The following UNC79 variants were observed in gnomAD, a reference collection of about 807,000 sequenced individuals.
The protein encoded by UNC79 is protein unc-79 homolog.
In UNC79, 37 loss-of-function variants were observed where a neutral mutation model predicts 283.1. That is an observed-to-expected ratio of 0.13 (90% confidence interval 0.10 to 0.17). UNC79 has a LOEUF of 0.17. Among genes scored for constraint, UNC79 ranks in the 10% least tolerant of loss-of-function variants. The probability of loss-of-function intolerance (pLI) is 1.00; values close to 1 mark genes in which losing one functional copy is unlikely to be tolerated. For synonymous variants in UNC79, 1,107 were observed against 1,200.2 expected (o/e 0.92, Z 1.61); for missense variants, 2,272 against 3,211.1 (o/e 0.71, Z 7.07).
chr14:93,556,031 A>G (rs1474763788), intron 14 of UNC79, among the ~76,000 whole-genome samples: 1 of 152,198 alleles, frequency 6.6e-6, no homozygotes, highest in East Asian at 1.9e-4. Flanking sequence ...GTAGGTGGGC[A>G]CAGCTGGAAG....
rs2141026461 is a variant in UNC79 at position 93,528,434 on chromosome 14, C to T, written c.964-124C>T. The T allele has an allele frequency of 1.6e-5, 13 of 822,136 alleles. No homozygotes were observed. In the South Asian group the frequency reaches 2.6e-4, roughly 16 times the overall value. 50.9% of individuals were successfully genotyped at this position (822,136 alleles called of 1,614,324 possible). A position where few individuals can be genotyped will look rare whatever the true frequency, so the allele number is the denominator to read the frequency against. The stretch of plus-strand genomic sequence containing the variant: ...ACATTTATCGGTAAAAAGGGTTTTA[C>T]TAAAAATGTTTATTCCACCTCGCTT... On this transcript the variant is annotated intron_variant, in intron 8 of 48. Coordinates refer to ENST00000555664, the Ensembl canonical transcript of UNC79.
At chr14:93,667,522 A>G (rs1400979084) in intron 40 of UNC79, among the ~76,000 whole-genome samples, 1 of 152,228 alleles carries the variant, frequency 6.6e-6, no homozygotes, top group African/African-American at 2.4e-5. Flanking sequence ...GTAACTGACT[A>G]GACTTAGGTG....
At chr14:93,542,822 A>G (rs1282112172) in intron 14 of UNC79, 126 bp downstream of exon 14, 2 of 841,584 alleles carry the variant, frequency 2.4e-6, no homozygotes, top group Non-Finnish European at 3.8e-6. Context: ...TAATTAATAT[A>G]GCTAAATGAA....
At chr14:93,683,623 C>A (rs1274096310) in intron 42 of UNC79, among the ~76,000 whole-genome samples, 1 of 151,946 alleles carries the variant, frequency 6.6e-6, no homozygotes, top group African/African-American at 2.4e-5. Flanking sequence ...AAAATAATGT[C>A]CCTAATAATA....
At chr14:93,613,420 C>CTT (rs570173176) in intron 27 of UNC79, among the ~76,000 whole-genome samples, 3 of 142,934 alleles carry the variant, frequency 2.1e-5, no homozygotes, top group African/African-American at 5.1e-5. Flanking sequence ...TATTTGGTTT[C>CTT]TTTTTTTTTT....
At chr14:93,558,663 G>A in intron 14 of UNC79, among the ~76,000 whole-genome samples, 1 of 132,320 alleles carries the variant, frequency 7.6e-6, no homozygotes, top group African/African-American at 2.9e-5. Context: ...GGTTTGCACA[G>A]AGAGCGAGAG....
intron 48 of UNC79, among the ~76,000 whole-genome samples, chr14:93,705,347 C>CAAAAAAA (rs71129656): frequency 4.6e-5 from 4 of 87,528 alleles, no homozygotes; most frequent in Non-Finnish European, 6.5e-5. Flanking sequence ...CCCAGTCTCT[C>CAAAAAAA]AAAAAAAAAA....
At chr14:93,561,984 A>G (rs1298476671) in intron 14 of UNC79, among the ~76,000 whole-genome samples, 1 of 152,162 alleles carries the variant, frequency 6.6e-6, no homozygotes, top group East Asian at 1.9e-4. Flanking sequence ...TAGGGTAAGG[A>G]CGAATAGACC....
At chr14:93,371,190 C>T (rs2054437204) in intron 1 of UNC79, among the ~76,000 whole-genome samples, 1 of 151,998 alleles carries the variant, frequency 6.6e-6, no homozygotes, top group Non-Finnish European at 1.5e-5. Context: ...GAGATTGAGA[C>T]CATCCTGGCT....
chr14:93,554,959 G>A (rs1043498028), intron 14 of UNC79, among the ~76,000 whole-genome samples: 2 of 152,154 alleles, frequency 1.3e-5, no homozygotes, highest in Non-Finnish European at 2.9e-5. Flanking sequence ...TTCCAGTATA[G>A]CTAGGGAGTG....
chr14:93,587,331 A>G (rs1218616931), intron 22 of UNC79, among the ~76,000 whole-genome samples: 1 of 152,180 alleles, frequency 6.6e-6, no homozygotes, highest in Non-Finnish European at 1.5e-5. Context: ...TTTTTTAGAG[A>G]CTGGTGAGAC....
intron 40 of UNC79, 96 bp from the exon 44 acceptor site, chr14:93,673,255 T>A: frequency 1.9e-6 from 2 of 1,042,216 alleles, no homozygotes; most frequent in Non-Finnish European, 2.8e-6. Flanking sequence ...TGTTTTTTAT[T>A]TCTGACCCGT....
At chr14:93,571,446 G>C (rs370536810) in intron 14 of UNC79, among the ~76,000 whole-genome samples, 5 of 152,130 alleles carry the variant, frequency 3.3e-5, no homozygotes, top group African/African-American at 1.2e-4. Context: ...GTGTACTACC[G>C]TATTTCCTGT....
intron 3 of UNC79, 81 bp from the exon 4 acceptor site, chr14:93,477,477 A>T: frequency 1.6e-6 from 2 of 1,231,432 alleles, no homozygotes; most frequent in Non-Finnish European, 2.2e-6. Flanking sequence ...AAACCAGTTC[A>T]TTAAAGCTTA....
chr14:93,679,807 A>G (rs2073687858), intron 41 of UNC79, among the ~76,000 whole-genome samples: 1 of 152,216 alleles, frequency 6.6e-6, no homozygotes, highest in African/African-American at 2.4e-5. Flanking sequence ...TGCATATTTC[A>G]GTGCCCGATT....
At chr14:93,502,424 C>T (rs1462487289) in intron 7 of UNC79, among the ~76,000 whole-genome samples, 8 of 151,676 alleles carry the variant, frequency 5.3e-5, no homozygotes, top group Non-Finnish European at 8.8e-5. Flanking sequence ...AAAAAAAATG[C>T]AAAAAATTGA....
At chr14:93,660,777 A>G (rs2071519929) in intron 39 of UNC79, among the ~76,000 whole-genome samples, 1 of 151,312 alleles carries the variant, frequency 6.6e-6, no homozygotes, top group African/African-American at 2.4e-5. Context: ...TTTAGTAGAG[A>G]TGAGGTTTCA....
intron 14 of UNC79, among the ~76,000 whole-genome samples, chr14:93,559,160 G>T (rs193099278): frequency 2.0e-5 from 3 of 152,310 alleles, no homozygotes; most frequent in Admixed American, 1.3e-4. Context: ...GGAGTATAAA[G>T]ATTTATAAAC....
intron 1 of UNC79, among the ~76,000 whole-genome samples, chr14:93,357,590 C>G (rs557829544): frequency 6.7e-6 from 1 of 149,672 alleles, no homozygotes; most frequent in South Asian, 2.1e-4. Flanking sequence ...CTTTGGGACT[C>G]AGACTGGCTT....
Sources: allele counts gnomAD v4.1 joint callset (sites outside exome capture counted in the v4.1 genomes callset), GRCh38; gene constraint gnomAD v4.1.1; transcripts MANE v1.5; gene names NCBI Gene and HGNC (gene_info 2026-07-23, HGNC 2026-07-21).